The following TAX1BP1 variants were observed in gnomAD, a reference collection of about 807,000 sequenced individuals.
TAX1BP1 encodes tax1-binding protein 1.
Under a neutral mutation model 97.7 loss-of-function variants are expected in TAX1BP1, and 62 were observed. The observed-to-expected ratio is 0.63, with a 90% CI of 0.52 to 0.78. The LOEUF (loss-of-function observed/expected upper bound fraction) is 0.78. Among genes scored for constraint, TAX1BP1 ranks in the 30% least tolerant of loss-of-function variants. TAX1BP1 has a pLI of 0.00. For missense variants in TAX1BP1, 867 were observed against 916.1 expected, an observed-to-expected ratio of 0.95 and a Z score of 0.69; for synonymous variants, 340 against 304.2, an observed-to-expected ratio of 1.12 and a Z score of -1.23.
chr7:27,756,637 T>C (rs1411239823), intron 2 of TAX1BP1, among the ~76,000 whole-genome samples: 1 of 152,168 alleles, frequency 6.6e-6, no homozygotes, highest in Non-Finnish European at 1.5e-5. Flanking sequence ...TCACACCCTA[T>C]GCTCTTAGTT....
chr7:27,752,345 C>T (rs1419039726), intron 2 of TAX1BP1, among the ~76,000 whole-genome samples: 1 of 152,150 alleles, frequency 6.6e-6, no homozygotes, highest in Non-Finnish European at 1.5e-5. Flanking sequence ...GGTCTTGCTA[C>T]TGTGGAATAA....
chr7:27,759,111 A>G (rs1425797528), intron 3 of TAX1BP1, among the ~76,000 whole-genome samples: 1 of 152,132 alleles, frequency 6.6e-6, no homozygotes, highest in Non-Finnish European at 1.5e-5. Context: ...TGTATATGTC[A>G]TAGATTTCTT....
chr7:27,817,369 T>C (rs897309592), intron 15 of TAX1BP1, among the ~76,000 whole-genome samples: 5 of 152,240 alleles, frequency 3.3e-5, no homozygotes, highest in Non-Finnish European at 7.3e-5. Flanking sequence ...CTATATTCTT[T>C]TGATTATAGA....
chr7:27,743,463 T>C (rs1787692978), intron 1 of TAX1BP1, among the ~76,000 whole-genome samples: 1 of 152,248 alleles, frequency 6.6e-6, no homozygotes, highest in South Asian at 2.1e-4. Flanking sequence ...TCAGTAACTC[T>C]ATCAACCATT....
intron 5 of TAX1BP1, among the ~76,000 whole-genome samples, chr7:27,784,548 G>A (rs1472143899): frequency 6.6e-6 from 1 of 152,146 alleles, no homozygotes; most frequent in Non-Finnish European, 1.5e-5. Context: ...TAGAAAAAGT[G>A]GGTGTTAACC....
At chr7:27,809,132 A>T (rs1790453758) in intron 13 of TAX1BP1, among the ~76,000 whole-genome samples, 1 of 151,122 alleles carries the variant, frequency 6.6e-6, no homozygotes, top group Admixed American at 6.6e-5. Flanking sequence ...TCTAATAATG[A>T]CTGTAATTTT....
At chr7:27,752,105 C>T (rs937572294) in intron 2 of TAX1BP1, among the ~76,000 whole-genome samples, 1 of 151,986 alleles carries the variant, frequency 6.6e-6, no homozygotes, top group African/African-American at 2.4e-5. Flanking sequence ...AATTGGAATT[C>T]GAAAGGAATG....
At chr7:27,803,990 A>G (rs909761206) in intron 13 of TAX1BP1, among the ~76,000 whole-genome samples, 6 of 152,252 alleles carry the variant, frequency 3.9e-5, no homozygotes, top group Admixed American at 2.6e-4. Context: ...AGCCTGTTAT[A>G]TCAGGGAAAA....
chr7:27,742,445 C>T (rs1401234676), intron 1 of TAX1BP1, among the ~76,000 whole-genome samples: 1 of 152,206 alleles, frequency 6.6e-6, no homozygotes, highest in African/African-American at 2.4e-5. Flanking sequence ...ATCCGTTTAA[C>T]CGTGAGTTTG....
chr7:27,789,365 T>C (rs1374032346), intron 8 of TAX1BP1, among the ~76,000 whole-genome samples: 3 of 152,016 alleles, frequency 2.0e-5, no homozygotes, highest in Non-Finnish European at 2.9e-5. Flanking sequence ...GTCAAAATGA[T>C]AGAAAAATTT....
intron 1 of TAX1BP1, among the ~76,000 whole-genome samples, chr7:27,748,051 G>C (rs1787890536): frequency 1.3e-5 from 2 of 152,190 alleles, no homozygotes; most frequent in Non-Finnish European, 2.9e-5. Flanking sequence ...GGAGGAGAAT[G>C]ATGAAGCCCA....
At position 27,787,534 on chromosome 7, in the gene TAX1BP1, C is replaced by T. The variant is rs770489151; in HGVS notation, c.969C>T (p.Gly323=). The stretch of plus-strand genomic sequence containing the variant: ...TTACTCATTTCAAAGAAGAGATTGG[C>T]AGGCTGCAGTTATGTTTGGCTGAAA... ...SVITHFKEEI[G]RLQLCLAEKE... Residue 323 remains glycine, a synonymous_variant, in exon 8 of 17, where the codon GGC becomes GGT. Coordinates refer to ENST00000396319, the MANE Select transcript of TAX1BP1 (RefSeq NM_006024.7). 1.9e-6 allele frequency: 3 copies of T among 1,613,580 alleles called. No homozygotes were observed. Among genetic ancestry groups the T allele is most frequent in the Non-Finnish European group, 2.5e-6 (3 of 1,179,710 alleles).
chr7:27,756,283 C>G (rs573753086), intron 2 of TAX1BP1, among the ~76,000 whole-genome samples: 1 of 152,216 alleles, frequency 6.6e-6, no homozygotes, highest in Non-Finnish European at 1.5e-5. Context: ...GGTTGAGAGA[C>G]TTCTACATTT....
chr7:27,787,403 C>T lies in TAX1BP1; in HGVS notation c.853-15C>T, dbSNP rs1789529088. 9 of 1,570,404 alleles carry T rather than the reference C, an allele frequency of 5.7e-6. No homozygotes were observed. The highest frequency in any genetic ancestry group is 1.4e-5 in the African/African-American group (1 of 72,632). On this transcript the variant is annotated splice_polypyrimidine_tract_variant and intron_variant, in intron 7 of 16. Coordinates refer to ENST00000396319, the MANE Select transcript of TAX1BP1 (RefSeq NM_006024.7). ...GGAGTTAGAATATTCTTGACATTTT[C>T]AAACACCATTACAGGTACATTTGAA...
intron 4 of TAX1BP1, among the ~76,000 whole-genome samples, chr7:27,767,138 T>G (rs1788675972): frequency 6.6e-6 from 1 of 152,108 alleles, no homozygotes. Flanking sequence ...ATCCTATACC[T>G]AAAAAACTAC....
intron 13 of TAX1BP1, among the ~76,000 whole-genome samples, chr7:27,811,722 AT>A (rs1189181360): frequency 1.3e-5 from 2 of 151,972 alleles, no homozygotes; most frequent in Admixed American, 6.6e-5. Flanking sequence ...TAACGTTTCC[AT>A]TACTGCACAA....
intron 8 of TAX1BP1, among the ~76,000 whole-genome samples, chr7:27,790,293 T>C (rs1364317778): frequency 6.6e-6 from 1 of 151,630 alleles, no homozygotes; most frequent in Non-Finnish European, 1.5e-5. Flanking sequence ...TATATGTTTT[T>C]TGATTGTTTT....
intron 8 of TAX1BP1, among the ~76,000 whole-genome samples, chr7:27,789,229 C>T (rs566882203): frequency 1.3e-5 from 2 of 152,004 alleles, no homozygotes; most frequent in East Asian, 3.9e-4. Flanking sequence ...TATTTTTTTG[C>T]ATACCTATGT....
rs1562713754 is a variant in TAX1BP1 at position 27,775,579 on chromosome 7, C to T, written c.612+5745C>T. 2.0e-5 allele frequency among the ~76,000 whole-genome samples: 3 copies of T among 152,094 alleles called. No homozygotes were observed. The South Asian group carries it at 6.2e-4, about 32-fold the overall frequency. Reference sequence around the variant, plus strand: ...TTTAGGATGAGACACAAGAGAGATTCTTGCATGAGATTTGAAGGCAGAAGT... The same window carrying T: ...TTTAGGATGAGACACAAGAGAGATTTTTGCATGAGATTTGAAGGCAGAAGT... On this transcript the variant is annotated intron_variant, in intron 5 of 16. Coordinates refer to ENST00000396319, the MANE Select transcript of TAX1BP1 (RefSeq NM_006024.7).
Sources: allele counts gnomAD v4.1 joint callset (sites outside exome capture counted in the v4.1 genomes callset), GRCh38; gene constraint gnomAD v4.1.1; transcripts MANE v1.5; gene names NCBI Gene and HGNC (gene_info 2026-07-23, HGNC 2026-07-21).